The following SUPT3H variants were observed in gnomAD, a reference collection of about 807,000 sequenced individuals.
SUPT3H encodes the protein SPT3 homolog, SAGA and STAGA complex component, also known as transcription initiation protein SPT3 homolog.
Under a neutral mutation model 44.3 loss-of-function variants are expected in SUPT3H, and 44 were observed. The ratio of observed to expected loss-of-function variants is 0.99; its 90% CI spans 0.78 to 1.28. The LOEUF is 1.28. SUPT3H is among the 50% of genes most tolerant of loss of function. SUPT3H has a pLI of 0.00. For missense variants in SUPT3H, 380 were observed against 387.1 expected (o/e 0.98, Z 0.15); for synonymous variants, 124 against 125.6 (o/e 0.99, Z 0.09).
intron 2 of SUPT3H, among the ~76,000 whole-genome samples, chr6:45,154,778 T>C (rs1390990639): frequency 1.3e-5 from 2 of 152,188 alleles, no homozygotes; most frequent in Non-Finnish European, 2.9e-5. Context: ...CATTGGGTTA[T>C]TGGGTAATCA....
intron 3 of SUPT3H, among the ~76,000 whole-genome samples, chr6:45,053,217 C>CTTT (rs34936776): frequency 6.9e-6 from 1 of 145,280 alleles, no homozygotes; most frequent in African/African-American, 2.5e-5. Context: ...TTTGTTTTGC[C>CTTT]TTTTTTTTTT....
chr6:45,053,740 CAAAAAAAAA>C (rs57736879), intron 3 of SUPT3H, among the ~76,000 whole-genome samples: 10 of 59,442 alleles, frequency 1.7e-4, no homozygotes, highest in Admixed American at 8.8e-4. Flanking sequence ...ACTAAAAATA[CAAAAAAAAA>C]AAAAAAAAAA....
At chr6:45,202,874 G>A (rs762814419) in intron 2 of SUPT3H, among the ~76,000 whole-genome samples, 1 of 151,902 alleles carries the variant, frequency 6.6e-6, no homozygotes, top group Non-Finnish European at 1.5e-5. Flanking sequence ...AGAAATAAAT[G>A]ATAATATAAA....
chr6:44,972,029 C>T (rs905624807), intron 6 of SUPT3H, among the ~76,000 whole-genome samples: 1 of 152,058 alleles, frequency 6.6e-6, no homozygotes, highest in African/African-American at 2.4e-5. Context: ...CCACCTCGGC[C>T]TCCCAAAGTG....
At chr6:45,018,560 T>C (rs1469812751) in intron 4 of SUPT3H, among the ~76,000 whole-genome samples, 2 of 152,048 alleles carry the variant, frequency 1.3e-5, no homozygotes, top group Non-Finnish European at 1.5e-5. Flanking sequence ...GCATGAAGGG[T>C]TGTTGAATTT....
chr6:44,824,353 GAC>G (rs2153406606), downstream of SUPT3H, among the ~76,000 whole-genome samples: 1 of 152,292 alleles, frequency 6.6e-6, no homozygotes, highest in South Asian at 2.1e-4. Flanking sequence ...GTAGCTGGAA[GAC>G]ACACTTAAAA....
intron 10 of SUPT3H, among the ~76,000 whole-genome samples, chr6:44,915,108 T>C (rs1177390706): frequency 2.0e-5 from 3 of 152,210 alleles, no homozygotes; most frequent in Non-Finnish European, 2.9e-5. Context: ...AGAAGCCATC[T>C]TGGGATAAAA....
At chr6:45,185,087 G>C (rs1311169119) in intron 2 of SUPT3H, among the ~76,000 whole-genome samples, 3 of 152,178 alleles carry the variant, frequency 2.0e-5, no homozygotes, top group African/African-American at 7.2e-5. Context: ...CACTGGGGCA[G>C]AAGCAGGAGG....
chr6:45,133,668 G>T (rs1353764818), intron 2 of SUPT3H, among the ~76,000 whole-genome samples: 2 of 152,142 alleles, frequency 1.3e-5, no homozygotes, highest in Admixed American at 1.3e-4. Context: ...GCATGACTCT[G>T]TGGATATTTT....
chr6:45,223,276 T>G (rs1455216797), intron 2 of SUPT3H, among the ~76,000 whole-genome samples: 1 of 152,136 alleles, frequency 6.6e-6, no homozygotes, highest in Admixed American at 6.5e-5. Context: ...ACTATAATTT[T>G]ACAACCTCTT....
chr6:44,991,582 C>T (rs1308256351), intron 6 of SUPT3H, among the ~76,000 whole-genome samples: 4 of 151,984 alleles, frequency 2.6e-5, no homozygotes, highest in Non-Finnish European at 4.4e-5. Flanking sequence ...TACAGTGACA[C>T]GACCTCAGCT....
intron 10 of SUPT3H, among the ~76,000 whole-genome samples, chr6:44,928,618 G>A (rs867590354): frequency 3.9e-5 from 6 of 151,952 alleles, no homozygotes; most frequent in South Asian, 4.1e-4. Context: ...AACAAGGGCC[G>A]GGCGCGGTGG....
intron 10 of SUPT3H, among the ~76,000 whole-genome samples, chr6:44,927,722 T>G (rs1374056715): frequency 1.3e-5 from 2 of 152,196 alleles, no homozygotes; most frequent in East Asian, 3.8e-4. Context: ...AGAGTAAAAA[T>G]GAATATTTTC....
At chr6:44,840,678 A>G (rs1048067596) in intron 10 of SUPT3H, among the ~76,000 whole-genome samples, 1 of 152,246 alleles carries the variant, frequency 6.6e-6, no homozygotes, top group Non-Finnish European at 1.5e-5. Context: ...TAGTTAGTAC[A>G]GATTGACACA....
chr6:44,894,406 G>A (rs1763792889), intron 10 of SUPT3H, among the ~76,000 whole-genome samples: 1 of 152,202 alleles, frequency 6.6e-6, no homozygotes, highest in South Asian at 2.1e-4. Flanking sequence ...TGTATAAGGT[G>A]TAAGGAAGGG....
chr6:45,020,513 G>T, intron 4 of SUPT3H, 33 bp downstream of exon 4: 1 of 1,523,620 alleles, frequency 6.6e-7, no homozygotes, highest in South Asian at 1.2e-5. Flanking sequence ...AACAAAACGT[G>T]GATTTTAATA....
At chr6:44,965,446 G>C (rs1390660721) in intron 6 of SUPT3H, among the ~76,000 whole-genome samples, 1 of 152,136 alleles carries the variant, frequency 6.6e-6, no homozygotes, top group Non-Finnish European at 1.5e-5. Context: ...CACATGAATG[G>C]TATTCACAGC....
At chr6:45,359,884 A>G (rs1453085391) in intron 2 of SUPT3H, among the ~76,000 whole-genome samples, 1 of 152,178 alleles carries the variant, frequency 6.6e-6, no homozygotes, top group Admixed American at 6.5e-5. Flanking sequence ...CCTCTACAAA[A>G]CAATACAAAA....
At position 44,862,677 on chromosome 6, in the gene SUPT3H, C is replaced by CAAAA. The variant is rs3997535; in HGVS notation, c.913-32824_913-32821dup. On this transcript the variant is annotated intron_variant, in intron 10 of 10. Coordinates refer to ENST00000371459, the MANE Select transcript of SUPT3H (RefSeq NM_003599.4). ...TGGGCAACAGAATGAAACTCTGTAT[C>CAAAA]AAAAAAAAAAAAAATTAATATTAAA... is the stretch of plus-strand genomic sequence containing the variant. 1.8e-4 allele frequency among the ~76,000 whole-genome samples: 25 copies of CAAAA among 138,708 alleles called. 1 individual carries two copies. Among genetic ancestry groups the CAAAA allele is most frequent in the Non-Finnish European group, 2.9e-4 (19 of 64,818 alleles). 91.0% of individuals were successfully genotyped at this position (138,708 alleles called of 152,430 possible). A position where few individuals can be genotyped will look rare whatever the true frequency, so the allele number is the denominator to read the frequency against.
Sources: gnomAD v4.1 joint callset for allele counts (sites outside exome capture counted in the v4.1 genomes callset) on GRCh38, gnomAD v4.1.1 for gene constraint, MANE v1.5 for transcripts, NCBI Gene and HGNC (gene_info 2026-07-23, HGNC 2026-07-21) for gene names.